TAX1BP1: variants seen among roughly 807,000 people sequenced by gnomAD.
The protein encoded by TAX1BP1 is Tax1 binding protein 1.
Under a neutral mutation model 97.7 loss-of-function variants are expected in TAX1BP1, and 62 were observed. The ratio of observed to expected loss-of-function variants is 0.63; its 90% CI spans 0.52 to 0.78. The LOEUF (loss-of-function observed/expected upper bound fraction) is 0.78. Ranked by LOEUF, TAX1BP1 falls within the 30% of genes least tolerant of loss-of-function variation. TAX1BP1 has a pLI of 0.00. For missense variants in TAX1BP1, 867 were observed against 916.1 expected (o/e 0.95, Z 0.69); for synonymous variants, 340 against 304.2 (o/e 1.12, Z -1.23).
Position 27,792,010 on chromosome 7 carries a change from A to G in TAX1BP1, c.1043A>G (p.Asp348Gly), listed in dbSNP as rs1215972189. Residue 348 changes from aspartate (D) to glycine (G), a missense_variant, in exon 9 of 17, where the codon GAT becomes GGT. By Grantham distance (94) the Asp-to-Gly change is moderately conservative. Coordinates refer to ENST00000396319, the MANE Select transcript of TAX1BP1 (RefSeq NM_006024.7). ...TFLLTTSSKE[D>G]TCFLKEQLRK... ...ATATTTATCTGCTTTCTTCAGGAAG[A>G]TACTTGTTTTTTAAAGGAGCAACTT... The G allele has an allele frequency of 5.0e-6, 8 of 1,613,592 alleles. No homozygotes were observed. Among genetic ancestry groups the G allele is most frequent in the Non-Finnish European group, 5.1e-6 (6 of 1,179,744 alleles).
At position 27,769,800 on chromosome 7, in the gene TAX1BP1, AAGAAAG is replaced by A. The variant is rs767297090; in HGVS notation, c.580_585del (p.Glu194_Arg195del). 1 of 1,612,468 alleles carries A rather than the reference AAGAAAG, an allele frequency of 6.2e-7. No homozygotes were observed. Among genetic ancestry groups the A allele is most frequent in the Admixed American group, 1.7e-5 (1 of 59,958 alleles). ...ATGGAAAGAGAACTTAACCATGAGA[AAGAAAG>A]ATGTGACCAACTGCAAGCAGAACAA... On this transcript the variant is annotated inframe_deletion, in exon 5 of 17. Transcript: ENST00000396319.
chr7:27,829,554 CAG>C lies in TAX1BP1; in HGVS notation c.*726_*727del, dbSNP rs901922696. The C allele has an allele frequency of 4.6e-5, 7 of 152,100 alleles. No homozygotes were observed. The highest frequency in any genetic ancestry group is 9.7e-5 in the African/African-American group (4 of 41,430). The allele number at this position is 152,100 out of a possible 1,614,324, so 9.4% of individuals were successfully genotyped here. The stretch of plus-strand genomic sequence containing the variant: ...GTTTTCCTATTAAATGATCTCATAA[CAG>C]GGGTGTTTGTGGCATAAAAATCATA... On this transcript the variant is annotated 3_prime_UTR_variant, in exon 17 of 17. Transcript: ENST00000396319.
chr7:27,819,614 T>A (rs1790900142), intron 15 of TAX1BP1, among the ~76,000 whole-genome samples: 1 of 152,202 alleles, frequency 6.6e-6, no homozygotes, highest in African/African-American at 2.4e-5. Flanking sequence ...ACGATGGGGT[T>A]ACATCCTGAT....
intron 2 of TAX1BP1, among the ~76,000 whole-genome samples, chr7:27,753,035 C>G (rs1021278850): frequency 6.6e-6 from 1 of 152,222 alleles, no homozygotes; most frequent in Non-Finnish European, 1.5e-5. Context: ...CACAGTGGCT[C>G]ACGCCTGTAA....
chr7:27,777,285 G>A (rs1269305283), intron 5 of TAX1BP1, among the ~76,000 whole-genome samples: 1 of 152,092 alleles, frequency 6.6e-6, no homozygotes, highest in Non-Finnish European at 1.5e-5. Flanking sequence ...TTTGTTCTGG[G>A]ATGTGGTTTA....
Position 27,801,489 on chromosome 7 carries a change from A to AT in TAX1BP1, c.1764+1405dup, listed in dbSNP as rs536063073. ...TGAATCATGAATTCATATGAAAAGAATTTTTTGCATATTGACTAGGAAAAT... is the reference window on the plus strand; with the variant it reads ...TGAATCATGAATTCATATGAAAAGAATTTTTTTGCATATTGACTAGGAAAAT... On this transcript the variant is annotated intron_variant, in intron 13 of 16. Transcript: ENST00000396319. 1.4e-4 allele frequency among the ~76,000 whole-genome samples: 21 copies of AT among 152,250 alleles called. No homozygotes were observed. The East Asian group carries it at 2.7e-3, about 20-fold the overall frequency.
chr7:27,745,340 A>T (rs1583661417), intron 1 of TAX1BP1, among the ~76,000 whole-genome samples: 1 of 152,352 alleles, frequency 6.6e-6, no homozygotes, highest in Middle Eastern at 3.4e-3. Context: ...GTGAATTCCA[A>T]CATTTTTGTA....
chr7:27,811,410 A>T lies in TAX1BP1; in HGVS notation c.1765-4939A>T, dbSNP rs149695691. Reference sequence around the variant, plus strand: ...TTTGCAAGTTTTGCTCTTGATGATGACTTTCATTTTAAGGTTACTTAGTCC... The same window carrying T: ...TTTGCAAGTTTTGCTCTTGATGATGTCTTTCATTTTAAGGTTACTTAGTCC... On this transcript the variant is annotated intron_variant, in intron 13 of 16. Coordinates refer to ENST00000396319, the MANE Select transcript of TAX1BP1 (RefSeq NM_006024.7). Among the ~76,000 whole-genome samples the T allele has an allele frequency of 2.9e-4, 44 of 152,092 alleles. No homozygotes were observed. The East Asian group carries it at 7.6e-3, about 26-fold the overall frequency.
chr7:27,751,493 C>G (rs1163005428), intron 2 of TAX1BP1, among the ~76,000 whole-genome samples: 1 of 152,064 alleles, frequency 6.6e-6, no homozygotes, highest in Non-Finnish European at 1.5e-5. Context: ...CAGTTTCTTA[C>G]TATTGGAATT....
intron 13 of TAX1BP1, among the ~76,000 whole-genome samples, chr7:27,801,401 T>C (rs1402233138): frequency 6.6e-6 from 1 of 152,142 alleles, no homozygotes; most frequent in East Asian, 1.9e-4. Flanking sequence ...AGCTTATTAT[T>C]TCTGTGATCC....
chr7:27,788,647 C>A (rs1789582435), intron 8 of TAX1BP1, among the ~76,000 whole-genome samples: 1 of 151,902 alleles, frequency 6.6e-6, no homozygotes. Flanking sequence ...CATCATTATT[C>A]TTTTTCATAC....
rs1483780056 is a variant in TAX1BP1, at chr7:27,829,642, C to T, written c.*813C>T. 2 of 151,946 alleles carry T rather than the reference C, an allele frequency of 1.3e-5. No individual in the cohort carries two copies. The highest frequency in any genetic ancestry group is 2.4e-5 in the African/African-American group (1 of 41,316). The allele number at this position is 151,946 out of a possible 1,614,324, so 9.4% of individuals were successfully genotyped here. ...TGAGAATATAAATTTGAAATATTCT[C>T]AGTAAGTGATTAAAAGTACAATACA... is the stretch of plus-strand genomic sequence containing the variant. On this transcript the variant is annotated 3_prime_UTR_variant, in exon 17 of 17. Transcript: ENST00000396319.
Position 27,785,321 on chromosome 7 carries a change from A to T in TAX1BP1, c.761+10A>T, listed in dbSNP as rs1789436709. ...AAACCGAATTAGACAGGTATTTCTC[A>T]TGCTTTTAAAAAATAAATTCAATAA... On this transcript the variant is annotated intron_variant, in intron 6 of 16. Coordinates refer to ENST00000396319, the MANE Select transcript of TAX1BP1 (RefSeq NM_006024.7). The T allele has an allele frequency of 6.3e-7, 1 of 1,592,488 alleles. No homozygotes were observed. Among genetic ancestry groups the T allele is most frequent in the Admixed American group, 1.8e-5 (1 of 54,884 alleles).
intron 13 of TAX1BP1, among the ~76,000 whole-genome samples, chr7:27,801,501 T>C (rs1043832795): frequency 1.3e-5 from 2 of 152,144 alleles, no homozygotes; most frequent in African/African-American, 4.8e-5. Context: ...TTTTTGCATA[T>C]TGACTAGGAA....
chr7:27,823,466 C>A (rs1388694181), intron 15 of TAX1BP1, among the ~76,000 whole-genome samples: 6 of 152,104 alleles, frequency 3.9e-5, no homozygotes, highest in Non-Finnish European at 8.8e-5. Context: ...CTAAATATTT[C>A]AATTAGTAGT....
intron 1 of TAX1BP1, among the ~76,000 whole-genome samples, chr7:27,744,311 G>C (rs1238932340): frequency 6.6e-6 from 1 of 151,942 alleles, no homozygotes; most frequent in African/African-American, 2.4e-5. Context: ...ATTTTTAGTA[G>C]AGATGGGTTT....
chr7:27,794,728 T>A (rs1789857087), intron 11 of TAX1BP1, among the ~76,000 whole-genome samples: 1 of 152,236 alleles, frequency 6.6e-6, no homozygotes, highest in African/African-American at 2.4e-5. Context: ...AGTACTCATT[T>A]GGGCTACATA....
chr7:27,753,663 G>A lies in TAX1BP1; in HGVS notation c.163-4368G>A, dbSNP rs562754444. On this transcript the variant is annotated intron_variant, in intron 2 of 16. Transcript: ENST00000396319. ...AACAATAACTAAAAATAGAACAATTGTAACATGAAATTGTTATATTACCTG... is the reference window on the plus strand; with the variant it reads ...AACAATAACTAAAAATAGAACAATTATAACATGAAATTGTTATATTACCTG... Among the ~76,000 whole-genome samples, 9 of 152,028 alleles carry A rather than the reference G, an allele frequency of 5.9e-5. No individual in the cohort carries two copies. The South Asian group carries it at 1.7e-3, about 28-fold the overall frequency.
Position 27,829,044 on chromosome 7 carries a change from T to A in TAX1BP1, c.*215T>A, listed in dbSNP as rs968477273. 21 of 429,798 alleles carry A rather than the reference T, an allele frequency of 4.9e-5. No individual in the cohort carries two copies. The highest frequency in any genetic ancestry group is 8.2e-5 in the Non-Finnish European group (20 of 245,000). The allele number at this position is 429,798 out of a possible 1,614,324, so 26.6% of individuals were successfully genotyped here. ...TAATCTCTGTTAATCTTACCTGCTT[T>A]AAAAAAAAGTTCTTGTGTGTTCGTA... On this transcript the variant is annotated 3_prime_UTR_variant, in exon 17 of 17. Transcript: ENST00000396319.
Sources: allele counts gnomAD v4.1 joint callset (sites outside exome capture counted in the v4.1 genomes callset), GRCh38; gene constraint gnomAD v4.1.1; transcripts MANE v1.5; gene names NCBI Gene and HGNC (gene_info 2026-07-23, HGNC 2026-07-21).